The following COL1A1 variants were observed in gnomAD, a reference collection of about 807,000 sequenced individuals.
COL1A1 encodes collagen alpha-1(I) chain.
A neutral mutation model predicts 195.7 loss-of-function variants in COL1A1; 21 were observed. The ratio of observed to expected loss-of-function variants is 0.11; its 90% CI spans 0.08 to 0.15. The LOEUF (loss-of-function observed/expected upper bound fraction) is 0.15. Among genes scored for constraint, COL1A1 ranks in the 10% least tolerant of loss-of-function variants. The pLI is 1.00. For missense variants in COL1A1, 1,365 were observed against 2,051.0 expected (o/e 0.67, Z 6.46); for synonymous variants, 749 against 747.3 (o/e 1.00, Z -0.04).
chr17:50,194,271 A>C lies in COL1A1; in HGVS notation c.1614+78T>G. The C allele has an allele frequency of 1.3e-6, 2 of 1,599,014 alleles. No individual in the cohort carries two copies. Among genetic ancestry groups the C allele is most frequent in the South Asian group, 2.2e-5 (2 of 90,734 alleles). On this transcript the variant is annotated intron_variant, in intron 23 of 50. Coordinates refer to ENST00000225964, the MANE Select transcript of COL1A1 (RefSeq NM_000088.4). The surrounding 1 kb of genome is among the most constrained non-coding windows in gnomAD (Gnocchi z 6.8). ...TCCAGAGGGCAGACCCTTGGGCCTG[A>C]TCCAGAACGCCTCATCCCAGACCCT...
chr17:50,186,131 G>A lies in COL1A1; in HGVS notation c.4006-111C>T, dbSNP rs779181036. ...GAGCTGCCCAATGCACCGTTATATCGAGAGGAGGCACCACCTGCCCATCGG... is the reference window on the plus strand; with the variant it reads ...GAGCTGCCCAATGCACCGTTATATCAAGAGGAGGCACCACCTGCCCATCGG... On this transcript the variant is annotated intron_variant, in intron 49 of 50. Coordinates refer to ENST00000225964, the MANE Select transcript of COL1A1 (RefSeq NM_000088.4). This position sits in a 1 kb window ranked among gnomAD's most constrained non-coding sequence, Gnocchi z 5.3. 36 of 1,549,818 alleles carry A rather than the reference G, an allele frequency of 2.3e-5. No individual in the cohort carries two copies. The highest frequency in any genetic ancestry group is 4.1e-5 in the African/African-American group (3 of 73,742).
At position 50,201,587 on chromosome 17, in the gene COL1A1, T is replaced by C; in HGVS notation, c.-74A>G. ...CGTCCGCTCATGCGTGGCCTCACAC[T>C]CCGCGTGCCTCCTGCTCCGACCCCG... On this transcript the variant is annotated 5_prime_UTR_variant, in exon 1 of 51. Coordinates refer to ENST00000225964, the MANE Select transcript of COL1A1 (RefSeq NM_000088.4). 7.5e-7 allele frequency: 1 copy of C among 1,334,514 alleles called. No homozygotes were observed. The highest frequency in any genetic ancestry group is 1.0e-6 in the Non-Finnish European group (1 of 973,476). 82.7% of individuals were successfully genotyped at this position (1,334,514 alleles called of 1,614,324 possible). A position where few individuals can be genotyped will look rare whatever the true frequency, so the allele number is the denominator to read the frequency against.
At position 50,186,911 on chromosome 17, in the gene COL1A1, G is replaced by T. The variant is rs767894727; in HGVS notation, c.3543C>A (p.Gly1181=). The T allele has an allele frequency of 1.2e-6, 2 of 1,613,718 alleles. No individual in the cohort carries two copies. Among genetic ancestry groups the T allele is most frequent in the South Asian group, 2.2e-5 (2 of 91,068 alleles). ...TGDAGPVGPP[G]PPGPPGPPGP... is the part of the protein sequence containing the mutation. Reference sequence around the variant, plus strand: ...CAGGGGGACCAGGAGGTCCAGGAGGGCCGGGGGGACCCTGCACAGAGAGGG... The same window carrying T: ...CAGGGGGACCAGGAGGTCCAGGAGGTCCGGGGGGACCCTGCACAGAGAGGG... Residue 1181 remains glycine (G), a synonymous_variant, in exon 48 of 51, where the codon GGC becomes GGA. Coordinates refer to ENST00000225964, the MANE Select transcript of COL1A1 (RefSeq NM_000088.4). This position sits in a 1 kb window ranked among gnomAD's most constrained non-coding sequence, Gnocchi z 5.3.
chr17:50,191,753 G>C, intron 31 of COL1A1, 35 bp downstream of exon 31: 1 of 1,551,552 alleles, frequency 6.4e-7, no homozygotes, highest in South Asian at 1.2e-5. Context: ...TGGTCCCTGG[G>C]CCACTTGCCA....
intron 25 of COL1A1, chr17:50,193,596 C>T: frequency 2.8e-6 from 1 of 352,194 alleles, no homozygotes. Context: ...ATTCTCCTGC[C>T]TCAGCCTCCT....
chr17:50,190,251 C>A lies in COL1A1; in HGVS notation c.2451+76G>T. On this transcript the variant is annotated intron_variant, in intron 35 of 50. Transcript: ENST00000225964. The surrounding 1 kb of genome is among the most constrained non-coding windows in gnomAD (Gnocchi z 4.7). ...CCTTCTCCCCTGAGGATGGCTGACGCCTTTGTCCTCATTCCGTCCCTCGAG... is the reference window on the plus strand; with the variant it reads ...CCTTCTCCCCTGAGGATGGCTGACGACTTTGTCCTCATTCCGTCCCTCGAG... The A allele has an allele frequency of 7.7e-7, 1 of 1,304,192 alleles. No homozygotes were observed. Among genetic ancestry groups the A allele is most frequent in the East Asian group, 2.3e-5 (1 of 43,422 alleles). 80.8% of individuals were successfully genotyped at this position (1,304,192 alleles called of 1,614,324 possible).
chr17:50,187,877 G>T lies in COL1A1; in HGVS notation c.3368C>A (p.Pro1123His), dbSNP rs1567753954. The T allele has an allele frequency of 6.3e-7, 1 of 1,598,366 alleles. No individual in the cohort carries two copies. Residue 1123 changes from proline (P) to histidine (H), a missense_variant and splice_region_variant, in exon 45 of 51, where the codon CCT becomes CAT. Pro to His is a moderately conservative substitution (Grantham distance 77). Coordinates refer to ENST00000225964, the MANE Select transcript of COL1A1 (RefSeq NM_000088.4). ...FSGLQGPPGP[P>H]GSPGEQGPSG... ...TGGGGAGGGGCTGAGCATACTTACAGGAGGGCCAGGGGGACCCTGGAGGCC... is the reference window on the plus strand; with the variant it reads ...TGGGGAGGGGCTGAGCATACTTACATGAGGGCCAGGGGGACCCTGGAGGCC...
intron 46 of COL1A1, 112 bp downstream of exon 46, chr17:50,187,372 T>C (rs1298809841): frequency 9.1e-6 from 10 of 1,102,116 alleles, no homozygotes; most frequent in Non-Finnish European, 1.2e-5. Flanking sequence ...GCCCACTCCC[T>C]GTCCCTGAAC....
Position 50,190,211 on chromosome 17 carries a change from C to A in COL1A1, c.2452-103G>T, listed in dbSNP as rs1027889012. The stretch of plus-strand genomic sequence containing the variant: ...GGCAGGAAGATGCTTGGGTGGGAAA[C>A]AATCCCGTCTCCACCCTTCTCCCCT... On this transcript the variant is annotated intron_variant, in intron 35 of 50. Coordinates refer to ENST00000225964, the MANE Select transcript of COL1A1 (RefSeq NM_000088.4). This position sits in a 1 kb window ranked among gnomAD's most constrained non-coding sequence, Gnocchi z 4.7. 3 of 1,284,744 alleles carry A rather than the reference C, an allele frequency of 2.3e-6. No homozygotes were observed. Among genetic ancestry groups the A allele is most frequent in the Non-Finnish European group, 3.4e-6 (3 of 881,204 alleles). The allele number at this position is 1,284,744 out of a possible 1,614,324, so 79.6% of individuals were successfully genotyped here. A position where few individuals can be genotyped will look rare whatever the true frequency, so the allele number is the denominator to read the frequency against.
Position 50,194,828 on chromosome 17 carries a change from C to CAGGCTCTCCCTTAGCACCAGTGT in COL1A1, c.1354-1_1354insACACTGGTGCTAAGGGAGAGCCT (p.Gly452ThrfsTer97). 6.4e-7 allele frequency: 1 copy of CAGGCTCTCCCTTAGCACCAGTGT among 1,569,338 alleles called. No homozygotes were observed. Among genetic ancestry groups the CAGGCTCTCCCTTAGCACCAGTGT allele is most frequent in the Non-Finnish European group, 8.6e-7 (1 of 1,156,806 alleles). ...GGGGGTCCTTGAACACCAACAGGGC[C>CAGGCTCTCCCTTAGCACCAGTGT]CTGGAGAGGGCCGAGAGGAGGAGGC... On this transcript the variant is annotated frameshift_variant and splice_region_variant. Transcript: ENST00000225964. LOFTEE classifies it high-confidence loss of function. This position sits in a 1 kb window ranked among gnomAD's most constrained non-coding sequence, Gnocchi z 6.8.
intron 5 of COL1A1, 130 bp from the exon 6 acceptor site, chr17:50,198,634 G>T: frequency 4.7e-6 from 3 of 636,800 alleles, no homozygotes; most frequent in East Asian, 3.1e-5. Flanking sequence ...TTGCTTTTAA[G>T]ACATTCCTGC....
Position 50,189,370 on chromosome 17 carries a change from C to T in COL1A1, c.2829+7G>A. The T allele has an allele frequency of 2.5e-6, 4 of 1,613,638 alleles. 1 individual carries two copies. The South Asian group carries it at 4.4e-5, about 18-fold the overall frequency. On this transcript the variant is annotated splice_region_variant and intron_variant, in intron 39 of 50. Transcript: ENST00000225964. The surrounding 1 kb of genome is among the most constrained non-coding windows in gnomAD (Gnocchi z 5.5). The stretch of plus-strand genomic sequence containing the variant: ...CCGGAGCTGCAGAGATCTGAGCTGG[C>T]ACTTACAGCAGGACCATCAGCACCA...
At position 50,193,179 on chromosome 17, in the gene COL1A1, G is replaced by T. The variant is rs1018855731; in HGVS notation, c.1768-132C>A. On this transcript the variant is annotated intron_variant, in intron 25 of 50. Coordinates refer to ENST00000225964, the MANE Select transcript of COL1A1 (RefSeq NM_000088.4). ...AAAGACTGTTTGGCCCCCGGGGAAT[G>T]CCCCTGCAGGTGCTTCTTGCTGGGC... 5.7e-6 allele frequency: 5 copies of T among 878,370 alleles called. No individual in the cohort carries two copies. In the Admixed American group the frequency reaches 6.6e-5, roughly 12 times the overall value. The allele number at this position is 878,370 out of a possible 1,614,324, so 54.4% of individuals were successfully genotyped here. A position where few individuals can be genotyped will look rare whatever the true frequency, so the allele number is the denominator to read the frequency against.
Position 50,186,942 on chromosome 17 carries a change from A to C in COL1A1, c.3532-20T>G. On this transcript the variant is annotated intron_variant, in intron 47 of 50. Coordinates refer to ENST00000225964, the MANE Select transcript of COL1A1 (RefSeq NM_000088.4). The surrounding 1 kb of genome is among the most constrained non-coding windows in gnomAD (Gnocchi z 5.3). ...GGGACCCTGCACAGAGAGGGAAGAG[A>C]GTGGGGATTACCGGCATCCAAGTGC... 1 of 1,612,992 alleles carries C rather than the reference A, an allele frequency of 6.2e-7. No homozygotes were observed. The highest frequency in any genetic ancestry group is 8.5e-7 in the Non-Finnish European group (1 of 1,179,576).
intron 32 of COL1A1, 51 bp downstream of exon 32, chr17:50,191,332 G>T: frequency 2.0e-6 from 3 of 1,467,996 alleles, no homozygotes; most frequent in Non-Finnish European, 2.9e-6. Context: ...TTCAAAGCAG[G>T]CAGAGATGGG....
rs1358356930 is a variant in COL1A1, at chr17:50,194,195, G to A, written c.1615-12C>T. The A allele has an allele frequency of 6.2e-7, 1 of 1,613,308 alleles. No individual in the cohort carries two copies. Among genetic ancestry groups the A allele is most frequent in the Non-Finnish European group, 8.5e-7 (1 of 1,179,916 alleles). ...CTTCCAGTCAGACCCTAGGGAGGCAGAGAGGTATGAGTGGGACTTGGGGAG... is the reference window on the plus strand; with the variant it reads ...CTTCCAGTCAGACCCTAGGGAGGCAAAGAGGTATGAGTGGGACTTGGGGAG... On this transcript the variant is annotated splice_polypyrimidine_tract_variant and intron_variant, in intron 23 of 50. Transcript: ENST00000225964. This position sits in a 1 kb window ranked among gnomAD's most constrained non-coding sequence, Gnocchi z 6.8.
At chr17:50,198,711 T>A (rs369937482) in intron 5 of COL1A1, 1 of 594,990 alleles carries the variant, frequency 1.7e-6, no homozygotes, top group Non-Finnish European at 3.0e-6. Context: ...GCAAAACAAC[T>A]GGACTCATCA....
In COL1A1 at chr17:50,190,630, G is replaced by A. The variant is rs373097023; in HGVS notation, c.2344-34C>T. The A allele has an allele frequency of 4.3e-4, 698 of 1,609,644 alleles. 1 individual carries two copies. The highest frequency in any genetic ancestry group is 5.7e-4 in the Non-Finnish European group (673 of 1,177,064). On this transcript the variant is annotated intron_variant, in intron 33 of 50. Coordinates refer to ENST00000225964, the MANE Select transcript of COL1A1 (RefSeq NM_000088.4). The surrounding 1 kb of genome is among the most constrained non-coding windows in gnomAD (Gnocchi z 4.7). ...AAGGGACAAGAGGCTCAGGGTCAGGGCCTCCCCTGAATACTCCTAGTAGAT... is the reference window on the plus strand; with the variant it reads ...AAGGGACAAGAGGCTCAGGGTCAGGACCTCCCCTGAATACTCCTAGTAGAT...
In COL1A1 at chr17:50,189,136, T is replaced by C; in HGVS notation, c.2937+32A>G. The C allele has an allele frequency of 6.2e-7, 1 of 1,608,524 alleles. No homozygotes were observed. Among genetic ancestry groups the C allele is most frequent in the East Asian group, 2.2e-5 (1 of 44,838 alleles). On this transcript the variant is annotated intron_variant, in intron 40 of 50. Transcript: ENST00000225964. The surrounding 1 kb of genome is among the most constrained non-coding windows in gnomAD (Gnocchi z 5.5). The stretch of plus-strand genomic sequence containing the variant: ...ACTCCAAGTCCTGTGATGGTTTTTC[T>C]CAGGGCCCCCCAAGGTGAGGGGGGC...
Sources: allele counts gnomAD v4.1 joint callset, GRCh38; gene constraint gnomAD v4.1.1; non-coding constraint Gnocchi (gnomAD v3.1); transcripts MANE v1.5; gene names NCBI Gene and HGNC (gene_info 2026-07-23, HGNC 2026-07-21).